ARHGAP44: variants seen among roughly 807,000 people sequenced by gnomAD.
The protein encoded by ARHGAP44 is Rho GTPase activating protein 44.
A neutral mutation model predicts 106.8 loss-of-function variants in ARHGAP44; 43 were observed. That is an observed-to-expected ratio of 0.40 (90% CI 0.32 to 0.52). ARHGAP44 has a LOEUF of 0.52. Ranked by LOEUF, ARHGAP44 falls within the 20% of genes least tolerant of loss-of-function variation. The probability of loss-of-function intolerance (pLI) is 0.48; values close to 1 mark genes in which losing one functional copy is unlikely to be tolerated. For missense variants in ARHGAP44, 866 were observed against 1,050.5 expected (o/e 0.82, Z 2.43); for synonymous variants, 439 against 410.3 (o/e 1.07, Z -0.85).
chr17:12,967,698 C>T (rs2039427635), intron 16 of ARHGAP44, among the ~76,000 whole-genome samples: 1 of 152,150 alleles, frequency 6.6e-6, no homozygotes, highest in Non-Finnish European at 1.5e-5. Flanking sequence ...ACCAACACAT[C>T]ACTTCATTGC....
intron 2 of ARHGAP44, 75 bp from the exon 3 acceptor site, chr17:12,896,332 A>G: frequency 8.0e-7 from 1 of 1,254,614 alleles, no homozygotes; most frequent in African/African-American, 1.5e-5. Flanking sequence ...ATGAGTTGTG[A>G]TTGTCCACAC....
At chr17:12,810,527 G>C (rs1336815671) in intron 1 of ARHGAP44, among the ~76,000 whole-genome samples, 2 of 152,132 alleles carry the variant, frequency 1.3e-5, no homozygotes, top group Admixed American at 6.5e-5. Context: ...GTGACAAATG[G>C]GTTAGAACTT....
chr17:12,859,599 T>G (rs944102517), intron 1 of ARHGAP44, among the ~76,000 whole-genome samples: 12 of 152,264 alleles, frequency 7.9e-5, no homozygotes, highest in African/African-American at 2.9e-4. Flanking sequence ...TAATATTTCC[T>G]GAGATGTCTC....
chr17:12,892,999 T>C (rs938448329), intron 1 of ARHGAP44, among the ~76,000 whole-genome samples: 2 of 152,162 alleles, frequency 1.3e-5, no homozygotes, highest in African/African-American at 4.8e-5. Flanking sequence ...TTTTTCTGCT[T>C]CTTGGTGTGA....
chr17:12,863,030 A>G (rs1273504530), intron 1 of ARHGAP44, among the ~76,000 whole-genome samples: 2 of 151,930 alleles, frequency 1.3e-5, no homozygotes, highest in East Asian at 1.9e-4. Flanking sequence ...TCTCATGGCT[A>G]TAATCCCAGC....
At chr17:12,872,057 A>G (rs918257548) in intron 1 of ARHGAP44, among the ~76,000 whole-genome samples, 1 of 152,202 alleles carries the variant, frequency 6.6e-6, no homozygotes, top group Non-Finnish European at 1.5e-5. Flanking sequence ...TATTCCATAT[A>G]AAGGAGAATT....
At chr17:12,983,263 T>TCA (rs1351461913) in intron 19 of ARHGAP44, among the ~76,000 whole-genome samples, 1 of 46,786 alleles carries the variant, frequency 2.1e-5, no homozygotes, top group South Asian at 7.2e-4. Context: ...AGACTCCATC[T>TCA]TAAAAAAAAA....
chr17:12,956,037 C>A, intron 14 of ARHGAP44, 57 bp downstream of exon 14: 3 of 1,305,040 alleles, frequency 2.3e-6, no homozygotes, highest in Non-Finnish European at 3.3e-6. Flanking sequence ...AGGGCCTGAG[C>A]AGGGTGGGCA....
chr17:12,823,018 G>C (rs2034817353), intron 1 of ARHGAP44, among the ~76,000 whole-genome samples: 1 of 152,166 alleles, frequency 6.6e-6, no homozygotes, highest in Non-Finnish European at 1.5e-5. Context: ...GGTAAAATGT[G>C]CAACTTCGTG....
At chr17:12,795,741 G>C (rs2033898050) in intron 1 of ARHGAP44, among the ~76,000 whole-genome samples, 2 of 152,150 alleles carry the variant, frequency 1.3e-5, no homozygotes. Flanking sequence ...TGTGGATGTA[G>C]TTGTAGGTCA....
intron 7 of ARHGAP44, among the ~76,000 whole-genome samples, chr17:12,933,375 T>C (rs1197831847): frequency 6.6e-6 from 1 of 152,206 alleles, no homozygotes; most frequent in Non-Finnish European, 1.5e-5. Flanking sequence ...CAGAGAGATT[T>C]AGCCCACCAG....
At chr17:12,890,403 A>T (rs2037007427) in intron 1 of ARHGAP44, among the ~76,000 whole-genome samples, 1 of 152,142 alleles carries the variant, frequency 6.6e-6, no homozygotes, top group African/African-American at 2.4e-5. Context: ...CTTACCACTT[A>T]TGCCCTCTGG....
At chr17:12,807,901 A>G (rs1218569383) in intron 1 of ARHGAP44, among the ~76,000 whole-genome samples, 1 of 152,202 alleles carries the variant, frequency 6.6e-6, no homozygotes, top group Non-Finnish European at 1.5e-5. Flanking sequence ...TGAGCCTGTA[A>G]AACCAAAATC....
intron 3 of ARHGAP44, among the ~76,000 whole-genome samples, chr17:12,903,083 TGAGAGAGAGAGA>T (rs67363604): frequency 0.081 from 5,633 of 69,344 alleles, 632 homozygotes; most frequent in Middle Eastern, 0.19. Context: ...AGGGAATATA[TGAGAGAGAGAGA>T]GAGAGAGAGA....
At chr17:12,978,798 C>T (rs532396471) in intron 18 of ARHGAP44, among the ~76,000 whole-genome samples, 20 of 152,142 alleles carry the variant, frequency 1.3e-4, no homozygotes, top group African/African-American at 4.6e-4. Context: ...AAGCCATCCT[C>T]CTGCCTCAGC....
rs117151273 is a variant in ARHGAP44 at position 12,989,695 on chromosome 17, G to A, written c.2318-337G>A. 4.9e-3 allele frequency among the ~76,000 whole-genome samples: 752 copies of A among 152,178 alleles called. 2 individuals are homozygous for A. The highest frequency in any genetic ancestry group is 8.5e-3 in the Non-Finnish European group (581 of 68,022). On this transcript the variant is annotated intron_variant, in intron 20 of 20. Coordinates refer to ENST00000379672, the MANE Select transcript of ARHGAP44 (RefSeq NM_014859.6). ...GAATGAAATGCAGTCGTCTGATATA[G>A]ATCCCCAAAAAGGTGTCATTGAGAC...
At chr17:12,964,794 A>G (rs1252810465) in intron 16 of ARHGAP44, among the ~76,000 whole-genome samples, 1 of 152,064 alleles carries the variant, frequency 6.6e-6, no homozygotes, top group African/African-American at 2.4e-5. Context: ...CTCAAAAAAA[A>G]CAGAATAGAA....
rs142822042 is a variant in ARHGAP44 at position 12,865,246 on chromosome 17, A to C, written c.54-29694A>C. On this transcript the variant is annotated intron_variant, in intron 1 of 20. Transcript: ENST00000379672. ...ATCACCAGCCCTAGAAAGTAGAAGA[A>C]GACAATAGAACAATATCTGTAGATG... Among the ~76,000 whole-genome samples, 132 of 152,338 alleles carry C rather than the reference A, an allele frequency of 8.7e-4. 1 individual carries two copies. The highest frequency in any genetic ancestry group is 3.1e-3 in the African/African-American group (130 of 41,570).
rs183044442 is a variant in ARHGAP44 at position 12,899,108 on chromosome 17, C to G, written c.198+2597C>G. ...ACCTCAGCCTACTGGGTAGCTGGGA[C>G]TACAGGTGTGCGCCACCATGCCCAG... On this transcript the variant is annotated intron_variant, in intron 3 of 20. Coordinates refer to ENST00000379672, the MANE Select transcript of ARHGAP44 (RefSeq NM_014859.6). Among the ~76,000 whole-genome samples, 245 of 152,158 alleles carry G rather than the reference C, an allele frequency of 1.6e-3. 1 individual carries two copies. The highest frequency in any genetic ancestry group is 5.6e-3 in the African/African-American group (232 of 41,524).
Sources: allele counts gnomAD v4.1 joint callset (sites outside exome capture counted in the v4.1 genomes callset), GRCh38; gene constraint gnomAD v4.1.1; transcripts MANE v1.5; gene names NCBI Gene and HGNC (gene_info 2026-07-23, HGNC 2026-07-21).